The following FBLN2 variants were observed in gnomAD, a reference collection of about 807,000 sequenced individuals.
The protein encoded by FBLN2 is fibulin-2.
FBLN2 carries 81 observed loss-of-function variants against 123.7 expected under a neutral mutation model. The observed-to-expected ratio is 0.65, with a 90% CI of 0.55 to 0.79. The LOEUF (loss-of-function observed/expected upper bound fraction) is 0.79. Among genes scored for constraint, FBLN2 ranks in the 30% least tolerant of loss-of-function variants. FBLN2 has a pLI of 0.00. For missense variants in FBLN2, 1,603 were observed against 1,681.3 expected (o/e 0.95, Z 0.81); for synonymous variants, 699 against 701.4 (o/e 1.00, Z 0.05).
At chr3:13,557,630 C>T (rs894577186) in intron 1 of FBLN2, among the ~76,000 whole-genome samples, 44 of 152,212 alleles carry the variant, frequency 2.9e-4, no homozygotes, top group Admixed American at 5.9e-4. Context: ...AAGGCAGCCT[C>T]CTCCCAGGAG....
rs191835730 is a variant in FBLN2, at chr3:13,612,463, C to T, written c.1549-1521C>T. Among the ~76,000 whole-genome samples the T allele has an allele frequency of 7.9e-5, 12 of 152,066 alleles. No individual in the cohort carries two copies. The East Asian group carries it at 2.3e-3, about 29-fold the overall frequency. ...TGATGCCATCTCAGCTCACTGCAAG[C>T]TCCGCCTCCCAGGTTCATGCCATTC... On this transcript the variant is annotated intron_variant, in intron 4 of 17. Transcript: ENST00000404922.
At chr3:13,566,913 G>C (rs1029976530) in intron 1 of FBLN2, among the ~76,000 whole-genome samples, 6 of 152,264 alleles carry the variant, frequency 3.9e-5, no homozygotes, top group Admixed American at 1.3e-4. Flanking sequence ...CCTGAGGTAT[G>C]GTGGAACACG....
At chr3:13,636,271 C>A (rs1014276585) in intron 16 of FBLN2, among the ~76,000 whole-genome samples, 174 bp from the exon 17 acceptor site, 2 of 152,180 alleles carry the variant, frequency 1.3e-5, no homozygotes, top group African/African-American at 4.8e-5. Flanking sequence ...AGAGCCAGGC[C>A]CCCTGCTGCG....
intron 1 of FBLN2, among the ~76,000 whole-genome samples, chr3:13,567,946 A>C (rs951477827): frequency 5.3e-5 from 8 of 152,194 alleles, no homozygotes; most frequent in Admixed American, 5.2e-4. Flanking sequence ...CAACAGAGTG[A>C]GACCCTGTCT....
In FBLN2 at chr3:13,619,031, G is replaced by A; in HGVS notation, c.2053+14G>A. 2.5e-6 allele frequency: 4 copies of A among 1,594,872 alleles called. No individual in the cohort carries two copies. Among genetic ancestry groups the A allele is most frequent in the Non-Finnish European group, 2.6e-6 (3 of 1,168,918 alleles). On this transcript the variant is annotated intron_variant, in intron 7 of 17. Transcript: ENST00000404922. Reference sequence around the variant, plus strand: ...ATACCTGCAAAGGTAAGCAGTGTGGGTGGTGTCTCCAGGACAGGGCCCAGG... The same window carrying A: ...ATACCTGCAAAGGTAAGCAGTGTGGATGGTGTCTCCAGGACAGGGCCCAGG...
intron 5 of FBLN2, among the ~76,000 whole-genome samples, chr3:13,617,188 A>T (rs527739671): frequency 6.6e-6 from 1 of 151,826 alleles, no homozygotes; most frequent in Admixed American, 6.6e-5. Flanking sequence ...CTATCCATCC[A>T]TCCATCCATC....
In FBLN2 at chr3:13,629,253, G is replaced by A. The variant is rs1335828386; in HGVS notation, c.2803G>A (p.Ala935Thr). Residue 935 changes from alanine (A) to threonine (T), a missense_variant, in exon 13 of 18, where the codon GCC becomes ACC. Coordinates refer to ENST00000404922, the MANE Select transcript of FBLN2 (RefSeq NM_001004019.2). ...LPGSYRCDCK[A>T]GFQRDAFGRG... is the part of the protein sequence containing the mutation. ...TGGCTCCTACCGCTGTGACTGCAAA[G>A]CCGGCTTTCAGCGGGATGCCTTTGG... 1.2e-6 allele frequency: 2 copies of A among 1,612,566 alleles called. No homozygotes were observed. The highest frequency in any genetic ancestry group is 1.7e-6 in the Non-Finnish European group (2 of 1,179,576).
chr3:13,586,664 ATTTTT>A (rs539204519), intron 2 of FBLN2, among the ~76,000 whole-genome samples: 1 of 124,820 alleles, frequency 8.0e-6, no homozygotes, highest in African/African-American at 3.2e-5. Flanking sequence ...TGCCCAGCTA[ATTTTT>A]TTTTTTTTTT....
intron 1 of FBLN2, among the ~76,000 whole-genome samples, chr3:13,567,276 C>A (rs1206033776): frequency 6.6e-6 from 1 of 152,204 alleles, no homozygotes; most frequent in South Asian, 2.1e-4. Context: ...GGGGTACTGT[C>A]CTCTCAGGAC....
chr3:13,598,588 G>A (rs1251999972), intron 2 of FBLN2, among the ~76,000 whole-genome samples: 1 of 152,154 alleles, frequency 6.6e-6, no homozygotes, highest in Non-Finnish European at 1.5e-5. Flanking sequence ...TTACGCCTCT[G>A]GGGCAGGGAG....
chr3:13,617,263 C>T (rs921119252), intron 5 of FBLN2, among the ~76,000 whole-genome samples: 3 of 151,864 alleles, frequency 2.0e-5, no homozygotes, highest in Non-Finnish European at 2.9e-5. Context: ...TCCATCTACC[C>T]ATCCACTCAT....
At chr3:13,561,984 C>T (rs1466025138) in intron 1 of FBLN2, among the ~76,000 whole-genome samples, 2 of 152,224 alleles carry the variant, frequency 1.3e-5, no homozygotes, top group African/African-American at 4.8e-5. Context: ...TCCCTGGAAA[C>T]TCACAGTCCA....
chr3:13,560,632 G>A (rs539275394), intron 1 of FBLN2, among the ~76,000 whole-genome samples: 1 of 152,334 alleles, frequency 6.6e-6, no homozygotes, highest in Non-Finnish European at 1.5e-5. Context: ...TGCCCGCGAG[G>A]AAATGAAGGC....
intron 5 of FBLN2, among the ~76,000 whole-genome samples, chr3:13,617,380 A>C (rs529434215): frequency 6.6e-6 from 1 of 151,184 alleles, no homozygotes; most frequent in Non-Finnish European, 1.5e-5. Context: ...TCATCCACCC[A>C]TCCACCCACT....
intron 17 of FBLN2, among the ~76,000 whole-genome samples, chr3:13,637,147 A>G (rs532252464): frequency 6.6e-6 from 1 of 152,290 alleles, no homozygotes; most frequent in East Asian, 1.9e-4. Flanking sequence ...CTCTGCCACC[A>G]GCCACACGGC....
At chr3:13,555,545 C>T (rs1703439919) in intron 1 of FBLN2, among the ~76,000 whole-genome samples, 2 of 152,078 alleles carry the variant, frequency 1.3e-5, no homozygotes, top group Admixed American at 6.6e-5. Flanking sequence ...AGCTCCGCCT[C>T]CCAGGTTCAT....
At chr3:13,599,784 T>G (rs2124868263) in intron 2 of FBLN2, among the ~76,000 whole-genome samples, 1 of 148,248 alleles carries the variant, frequency 6.7e-6, no homozygotes, top group South Asian at 2.1e-4. Context: ...GGGGGTGGCT[T>G]GGGAAAATCC....
At chr3:13,551,268 A>G (rs536676265) in intron 1 of FBLN2, among the ~76,000 whole-genome samples, 1 of 152,206 alleles carries the variant, frequency 6.6e-6, no homozygotes, top group Admixed American at 6.5e-5. Context: ...CGTTGAAGCA[A>G]TGAGTGGTGC....
rs1706536583 is a variant in FBLN2 at position 13,637,896 on chromosome 3, T to C, written c.3673T>C (p.Phe1225Leu). 1 of 1,596,976 alleles carries C rather than the reference T, an allele frequency of 6.3e-7. No homozygotes were observed. The highest frequency in any genetic ancestry group is 8.6e-7 in the Non-Finnish European group (1 of 1,168,870). The change falls in exon 18 of 18, where the codon TTC becomes CTC. Residue 1225 changes from phenylalanine to leucine, a missense_variant. By Grantham distance (22) the Phe-to-Leu change is conservative. Transcript: ENST00000404922. ...CACCTTCCTGGCCAAGATGCACATC[T>C]TCTTCACCACCTTTGCCCTGTGAGG... is the stretch of plus-strand genomic sequence containing the variant. Reference protein sequence around the residue: ...VTTFLAKMHIFFTTFAL With the variant: ...VTTFLAKMHILFTTFAL
Sources: gnomAD v4.1 joint callset for allele counts (sites outside exome capture counted in the v4.1 genomes callset) on GRCh38, gnomAD v4.1.1 for gene constraint, MANE v1.5 for transcripts, NCBI Gene and HGNC (gene_info 2026-07-23, HGNC 2026-07-21) for gene names.